BLTP3B: variants seen among roughly 807,000 people sequenced by gnomAD.
BLTP3B encodes bridge-like lipid transfer protein family member 3B.
chr12:100,140,392 C>T, the BLTP3B span, among the ~76,000 whole-genome samples: 1 of 151,222 alleles, frequency 6.6e-6, no homozygotes, highest in South Asian at 2.1e-4. Flanking sequence ...ACAGCTATTA[C>T]AAATCATACA....
the BLTP3B span, chr12:100,058,892 T>G: frequency 1.9e-6 from 3 of 1,613,748 alleles, no homozygotes; most frequent in Non-Finnish European, 2.5e-6. Flanking sequence ...AAGGGGAAAA[T>G]CTGAAAAATG....
the BLTP3B span, chr12:100,058,609 C>A: frequency 6.2e-7 from 1 of 1,614,010 alleles, no homozygotes; most frequent in Non-Finnish European, 8.5e-7. Flanking sequence ...ACTGGGCTCA[C>A]ACTTTCAGAA....
At chr12:100,039,694 G>A in the BLTP3B span, 120 of 1,614,036 alleles carry the variant, frequency 7.4e-5, no homozygotes, top group Middle Eastern at 4.9e-4. Flanking sequence ...GTGACACTGC[G>A]TTGTTTCTTC....
the BLTP3B span, chr12:100,102,988 T>G: frequency 1.8e-6 from 1 of 565,528 alleles, no homozygotes; most frequent in African/African-American, 2.0e-5. Context: ...GTCATTTAAG[T>G]GCCTCTCTAC....
At chr12:100,108,667 C>CA in the BLTP3B span, 1 of 767,590 alleles carries the variant, frequency 1.3e-6, no homozygotes, top group Middle Eastern at 3.9e-4. Context: ...TAATGTCCAT[C>CA]AACGACAAAT....
the BLTP3B span, among the ~76,000 whole-genome samples, chr12:100,125,323 C>T: frequency 8.0e-6 from 1 of 125,058 alleles, no homozygotes; most frequent in Non-Finnish European, 1.6e-5. Context: ...ACAGAGCGAC[C>T]GGTTTCCATC....
the BLTP3B span, among the ~76,000 whole-genome samples, chr12:100,130,951 T>TACATACATACATACATAC: frequency 0.033 from 4,346 of 132,948 alleles, 91 homozygotes; most frequent in Non-Finnish European, 0.041. Context: ...CATACATACA[T>TACATACATACATACATAC]ATATATATAT....
At chr12:100,048,338 C>T in the BLTP3B span, 24 of 781,514 alleles carry the variant, frequency 3.1e-5, no homozygotes, top group African/African-American at 7.2e-5. Flanking sequence ...ATACAATATA[C>T]GTACACACAC....
At chr12:100,058,536 C>A in the BLTP3B span, 2 of 1,613,112 alleles carry the variant, frequency 1.2e-6, no homozygotes, top group Non-Finnish European at 1.7e-6. Context: ...TATATCCCTA[C>A]TAATTTGTTT....
chr12:100,043,310 C>A, the BLTP3B span, among the ~76,000 whole-genome samples: 2 of 152,200 alleles, frequency 1.3e-5, no homozygotes, highest in Admixed American at 6.5e-5. Flanking sequence ...ATGTGGCTAT[C>A]TAGTCATTCC....
the BLTP3B span, among the ~76,000 whole-genome samples, chr12:100,066,295 TA>T: frequency 6.6e-6 from 1 of 152,112 alleles, no homozygotes; most frequent in Non-Finnish European, 1.5e-5. Flanking sequence ...TATACAATGA[TA>T]AAAGGCCTTG....
chr12:100,114,821 A>G, the BLTP3B span, among the ~76,000 whole-genome samples: 1 of 152,154 alleles, frequency 6.6e-6, no homozygotes, highest in Non-Finnish European at 1.5e-5. Context: ...CAAAACTAAG[A>G]AACAGATCAA....
the BLTP3B span, among the ~76,000 whole-genome samples, chr12:100,137,113 A>G: frequency 0.042 from 6,350 of 152,296 alleles, 283 homozygotes; most frequent in African/African-American, 0.11. Flanking sequence ...GCCCAGCCTC[A>G]GATAGCTTTT....
chr12:100,107,289 C>CA, the BLTP3B span, among the ~76,000 whole-genome samples: 6,769 of 33,478 alleles, frequency 0.2, 232 homozygotes, highest in East Asian at 0.24. Flanking sequence ...CTCCATCTCC[C>CA]AAAAAAAAAA....
the BLTP3B span, among the ~76,000 whole-genome samples, chr12:100,111,247 C>G: frequency 6.7e-6 from 1 of 150,338 alleles, no homozygotes; most frequent in Non-Finnish European, 1.5e-5. Context: ...CATAAAATCC[C>G]ATGACTACCT....
At chr12:100,130,999 G>GT in the BLTP3B span, among the ~76,000 whole-genome samples, 1 of 83,128 alleles carries the variant, frequency 1.2e-5, no homozygotes, top group African/African-American at 8.3e-5. Flanking sequence ...GAGAGAGAGA[G>GT]AGAGAGAGAG....
the BLTP3B span, among the ~76,000 whole-genome samples, chr12:100,066,826 G>A: frequency 6.4e-3 from 965 of 151,292 alleles, 10 homozygotes; most frequent in African/African-American, 0.022. Flanking sequence ...ACTATACTCT[G>A]GAACAAATGG....
the BLTP3B span, among the ~76,000 whole-genome samples, chr12:100,124,207 G>A: frequency 6.6e-6 from 1 of 151,834 alleles, no homozygotes; most frequent in Non-Finnish European, 1.5e-5. Flanking sequence ...CAAGAAGTTT[G>A]AGGCTGCATT....
the BLTP3B span, among the ~76,000 whole-genome samples, chr12:100,088,188 ACT>A: frequency 6.6e-6 from 1 of 152,128 alleles, no homozygotes; most frequent in African/African-American, 2.4e-5. Flanking sequence ...AGATCAGATA[ACT>A]CTATTGTTTA....
Sources: gnomAD v4.1 joint callset for allele counts (sites outside exome capture counted in the v4.1 genomes callset) on GRCh38, gnomAD v4.1.1 for gene constraint, MANE v1.5 for transcripts, NCBI Gene and HGNC (gene_info 2026-07-23, HGNC 2026-07-21) for gene names.